CNTNAP2: variants seen among roughly 807,000 people sequenced by gnomAD.
The protein encoded by CNTNAP2 is contactin-associated protein-like 2.
In CNTNAP2, 98 loss-of-function variants were observed where a neutral mutation model predicts 155.2. The observed-to-expected ratio is 0.63, with a 90% CI of 0.54 to 0.75. The LOEUF (loss-of-function observed/expected upper bound fraction) is 0.75, where lower values mean the gene tolerates loss of function less well. CNTNAP2 is among the 30% of genes least tolerant of loss of function. The pLI is 0.00. For missense variants in CNTNAP2, 1,727 were observed against 1,688.1 expected (o/e 1.02, Z -0.40); for synonymous variants, 651 against 631.2 (o/e 1.03, Z -0.47).
intron 8 of CNTNAP2, among the ~76,000 whole-genome samples, chr7:147,244,370 T>A (rs1039178802): frequency 6.6e-6 from 1 of 152,198 alleles, no homozygotes; most frequent in Non-Finnish European, 1.5e-5. Flanking sequence ...TAGACTTTAC[T>A]AAGCACCCTA....
Position 147,985,407 on chromosome 7 carries a change from C to CTTTTT in CNTNAP2, c.2383+7433_2383+7437dup, listed in dbSNP as rs34093586. On this transcript the variant is annotated intron_variant, in intron 15 of 23. Transcript: ENST00000361727. ...TCTTGGGAGTTGATTTATGTTTTTA[C>CTTTTT]TTTTTTTTTTTTTTTTTTTGCGAAT... is the stretch of plus-strand genomic sequence containing the variant. Among the ~76,000 whole-genome samples the CTTTTT allele has an allele frequency of 3.4e-4, 37 of 108,048 alleles. 3 individuals are homozygous for CTTTTT. The highest frequency in any genetic ancestry group is 4.1e-4 in the Non-Finnish European group (24 of 58,332). The allele number at this position is 108,048 out of a possible 152,430, so 70.9% of individuals were successfully genotyped here. A position where few individuals can be genotyped will look rare whatever the true frequency, so the allele number is the denominator to read the frequency against.
intron 3 of CNTNAP2, among the ~76,000 whole-genome samples, chr7:146,869,839 C>G (rs1018433805): frequency 2.6e-5 from 4 of 152,118 alleles, no homozygotes; most frequent in African/African-American, 9.7e-5. Flanking sequence ...TGGTTCCCAC[C>G]CACAATGTGG....
intron 3 of CNTNAP2, among the ~76,000 whole-genome samples, chr7:146,989,969 T>C (rs1476664647): frequency 6.6e-6 from 1 of 152,036 alleles, no homozygotes. Context: ...ACTTGGCTTA[T>C]ATGGAAATCA....
At chr7:147,183,638 A>C (rs540987550) in intron 8 of CNTNAP2, among the ~76,000 whole-genome samples, 1 of 152,286 alleles carries the variant, frequency 6.6e-6, no homozygotes, top group African/African-American at 2.4e-5. Context: ...GAAAGCACTA[A>C]TCCCCTATTC....
intron 1 of CNTNAP2, among the ~76,000 whole-genome samples, chr7:146,471,402 G>A (rs955399490): frequency 5.3e-5 from 8 of 152,152 alleles, no homozygotes; most frequent in African/African-American, 1.7e-4. Context: ...AATATTCTTG[G>A]TTCTCTGCTT....
intron 8 of CNTNAP2, among the ~76,000 whole-genome samples, chr7:147,216,558 TTATTTACA>T (rs774440081): frequency 9.0e-5 from 3 of 33,408 alleles, no homozygotes; most frequent in African/African-American, 3.4e-4. Flanking sequence ...AACACTAAAC[TTATTTACA>T]GTCTTATTTA....
chr7:146,372,729 A>T (rs1314082318), intron 1 of CNTNAP2, among the ~76,000 whole-genome samples: 3 of 152,190 alleles, frequency 2.0e-5, no homozygotes, highest in Non-Finnish European at 4.4e-5. Context: ...GTTGAGGAAC[A>T]TCTACTCTAG....
chr7:147,970,249 C>G (rs1231914263), intron 14 of CNTNAP2, among the ~76,000 whole-genome samples: 8 of 152,038 alleles, frequency 5.3e-5, no homozygotes, highest in Non-Finnish European at 5.9e-5. Flanking sequence ...ATAAGAACAA[C>G]CCAAAGATTA....
intron 14 of CNTNAP2, among the ~76,000 whole-genome samples, chr7:147,941,545 C>T (rs1800721854): frequency 6.6e-6 from 1 of 152,178 alleles, no homozygotes; most frequent in African/African-American, 2.4e-5. Flanking sequence ...CAGAAAATAG[C>T]TCTGTGTCTT....
At chr7:148,392,109 C>G (rs7780809) in intron 22 of CNTNAP2, among the ~76,000 whole-genome samples, 17,375 of 152,174 alleles carry the variant, frequency 0.11, 1,949 homozygotes, top group African/African-American at 0.29. Context: ...GAGTCTCGCT[C>G]TGTCACTAGG....
chr7:148,322,480 A>G (rs1312193378), intron 21 of CNTNAP2, among the ~76,000 whole-genome samples: 3 of 152,188 alleles, frequency 2.0e-5, no homozygotes, highest in South Asian at 2.1e-4. Context: ...CTTATATCTA[A>G]CCTCTCTAGG....
chr7:146,634,478 AT>A (rs373268960), intron 1 of CNTNAP2, among the ~76,000 whole-genome samples: 82 of 151,636 alleles, frequency 5.4e-4, no homozygotes, highest in African/African-American at 1.9e-3. Context: ...CAATAGAGAG[AT>A]TTTTTTTATA....
At chr7:147,661,608 A>C (rs188852807) in intron 13 of CNTNAP2, among the ~76,000 whole-genome samples, 212 of 149,488 alleles carry the variant, frequency 1.4e-3, no homozygotes, top group African/African-American at 5.2e-3. Flanking sequence ...GCTGGAGTGC[A>C]GTGGCATGAC....
At chr7:147,060,255 T>C (rs562819944) in intron 4 of CNTNAP2, among the ~76,000 whole-genome samples, 80 of 152,260 alleles carry the variant, frequency 5.3e-4, no homozygotes, top group African/African-American at 1.8e-3. Flanking sequence ...AGAGTAGTTA[T>C]TTGAAAGTCA....
At chr7:147,763,682 G>A (rs1797342809) in intron 13 of CNTNAP2, among the ~76,000 whole-genome samples, 1 of 152,102 alleles carries the variant, frequency 6.6e-6, no homozygotes, top group Non-Finnish European at 1.5e-5. Flanking sequence ...TGACTATAAG[G>A]GCAAGCCAAG....
At chr7:146,971,358 G>A (rs1193303961) in intron 3 of CNTNAP2, among the ~76,000 whole-genome samples, 1 of 152,094 alleles carries the variant, frequency 6.6e-6, no homozygotes, top group East Asian at 1.9e-4. Context: ...AATTGGAAAG[G>A]CTTTCTTTTG....
chr7:147,258,565 CT>C (rs999519026), intron 8 of CNTNAP2, among the ~76,000 whole-genome samples: 1 of 152,094 alleles, frequency 6.6e-6, no homozygotes, highest in Non-Finnish European at 1.5e-5. Context: ...GTCCAGTCCC[CT>C]GAATGAACTC....
chr7:146,893,114 C>T (rs574547259), intron 3 of CNTNAP2, among the ~76,000 whole-genome samples: 33 of 152,170 alleles, frequency 2.2e-4, no homozygotes, highest in African/African-American at 7.9e-4. Context: ...TATTTTATAT[C>T]TCTTGCATTG....
chr7:146,688,095 C>T (rs1438634477), intron 1 of CNTNAP2, among the ~76,000 whole-genome samples: 1 of 152,136 alleles, frequency 6.6e-6, no homozygotes, highest in Non-Finnish European at 1.5e-5. Context: ...ATTGACCCCA[C>T]ATGGAGAGGG....
Sources: allele counts gnomAD v4.1 joint callset (sites outside exome capture counted in the v4.1 genomes callset), GRCh38; gene constraint gnomAD v4.1.1; transcripts MANE v1.5; gene names NCBI Gene and HGNC (gene_info 2026-07-23, HGNC 2026-07-21).